Variants in C1orf162 observed in about 807,000 individuals in gnomAD.
C1orf162 encodes the protein transmembrane protein C1orf162.
A neutral mutation model predicts 11.4 loss-of-function variants in C1orf162; 10 were observed. The ratio of observed to expected loss-of-function variants is 0.88; its 90% CI spans 0.54 to 1.48. The LOEUF (loss-of-function observed/expected upper bound fraction) is 1.48, where lower values mean the gene tolerates loss of function less well. Ranked by LOEUF, C1orf162 falls within the 40% of genes most tolerant of loss-of-function variation. C1orf162 has a pLI of 0.00. For synonymous variants in C1orf162, 53 were observed against 55.0 expected (o/e 0.96, Z 0.16); for missense variants, 140 against 149.5 (o/e 0.94, Z 0.33).
chr1:111,476,870 A>G lies in C1orf162; in HGVS notation c.107+3A>G. 6.2e-7 allele frequency: 1 copy of G among 1,612,972 alleles called. No homozygotes were observed. The highest frequency in any genetic ancestry group is 8.5e-7 in the Non-Finnish European group (1 of 1,178,914). The stretch of plus-strand genomic sequence containing the variant: ...CCCTGTCTCTCTAACCACCACAAGT[A>G]AATGAGCATTCTCCTATCTGTTTCA... On this transcript the variant is annotated splice_donor_region_variant and intron_variant, in intron 3 of 5. Transcript: ENST00000369718.
chr1:111,476,663 T>G (rs914368594), intron 2 of C1orf162, 135 bp from the exon 3 acceptor site: 2 of 799,196 alleles, frequency 2.5e-6, no homozygotes, highest in Middle Eastern at 2.3e-4. Flanking sequence ...TGTTCTCTCA[T>G]TTTTGTAAGA....
Position 111,477,435 on chromosome 1 carries a change from G to A in C1orf162, c.202+7G>A. On this transcript the variant is annotated splice_region_variant and intron_variant, in intron 4 of 5. Transcript: ENST00000369718. ...ATAAAGAGCTACAGAAAATGTAAGT[G>A]GTCTCCAAGGGATAGGACAGCCCTT... 6.2e-7 allele frequency: 1 copy of A among 1,604,206 alleles called. No homozygotes were observed. The highest frequency in any genetic ancestry group is 8.5e-7 in the Non-Finnish European group (1 of 1,171,126).
chr1:111,477,720 T>C lies in C1orf162; in HGVS notation c.203-6T>C, dbSNP rs1349267595. ...TGGGTCCCTCTTCTTTCTGGCACCA[T>C]GGCAGATCACTCCAAGCCCCAGGCC... On this transcript the variant is annotated splice_region_variant and splice_polypyrimidine_tract_variant and intron_variant, in intron 4 of 5. Coordinates refer to ENST00000369718, the MANE Select transcript of C1orf162 (RefSeq NM_001300834.2). 5.0e-6 allele frequency: 8 copies of C among 1,604,118 alleles called. No homozygotes were observed. Among genetic ancestry groups the C allele is most frequent in the Non-Finnish European group, 6.8e-6 (8 of 1,175,318 alleles).
rs756043503 is a variant in C1orf162 at position 111,476,062 on chromosome 1, A to G, written c.34A>G (p.Thr12Ala). The G allele has an allele frequency of 6.2e-6, 10 of 1,613,080 alleles. No individual in the cohort carries two copies. The highest frequency in any genetic ancestry group is 8.5e-6 in the Non-Finnish European group (10 of 1,179,176). Residue 12 changes from threonine (T) to alanine (A), a missense_variant, in exon 2 of 6, where the codon ACT becomes GCT. Physicochemically the swap from Thr to Ala is moderately conservative, Grantham distance 58. Transcript: ENST00000369718. ...GGNGSTCKPD[T>A]ERQGTLSTAA... Reference sequence around the variant, plus strand: ...CAATGGCTCCACATGTAAACCCGACACTGGTGAGTTTACGACAGGAATAAT... The same window carrying G: ...CAATGGCTCCACATGTAAACCCGACGCTGGTGAGTTTACGACAGGAATAAT...
rs371668306 is a variant in C1orf162 at position 111,477,444 on chromosome 1, G to C, written c.202+16G>C. ...TACAGAAAATGTAAGTGGTCTCCAA[G>C]GGATAGGACAGCCCTTCTCTCTCTG... On this transcript the variant is annotated intron_variant, in intron 4 of 5. Transcript: ENST00000369718. 2 of 1,595,370 alleles carry C rather than the reference G, an allele frequency of 1.3e-6. No homozygotes were observed. Among genetic ancestry groups the C allele is most frequent in the African/African-American group, 2.7e-5 (2 of 74,406 alleles).
intron 1 of C1orf162, 150 bp downstream of exon 1, chr1:111,474,180 AC>A (rs1406524051): frequency 6.6e-6 from 1 of 152,276 alleles, no homozygotes; most frequent in Non-Finnish European, 1.5e-5. Context: ...GATGGATTTT[AC>A]GCTATCAGTA....
chr1:111,474,255 T>C (rs1653923602), intron 1 of C1orf162, among the ~76,000 whole-genome samples: 1 of 152,260 alleles, frequency 6.6e-6, no homozygotes, highest in Non-Finnish European at 1.5e-5. Flanking sequence ...TTTTAATTTA[T>C]GCTTCTGCCA....
At position 111,476,063 on chromosome 1, in the gene C1orf162, C is replaced by G. The variant is rs1467377615; in HGVS notation, c.35C>G (p.Thr12Ser). The part of the protein sequence containing the change: ...GGNGSTCKPD[T>S]ERQGTLSTAA... The stretch of plus-strand genomic sequence containing the variant: ...AATGGCTCCACATGTAAACCCGACA[C>G]TGGTGAGTTTACGACAGGAATAATT... Residue 12 changes from threonine (T) to serine (S), a missense_variant and splice_region_variant, in exon 2 of 6, where the codon ACT becomes AGT. Physicochemically the swap from Thr to Ser is moderately conservative, Grantham distance 58 (BLOSUM62 1). Coordinates refer to ENST00000369718, the MANE Select transcript of C1orf162 (RefSeq NM_001300834.2). 1 of 1,613,006 alleles carries G rather than the reference C, an allele frequency of 6.2e-7. No individual in the cohort carries two copies. The highest frequency in any genetic ancestry group is 1.1e-5 in the South Asian group (1 of 91,056).
intron 2 of C1orf162, 51 bp from the exon 3 acceptor site, chr1:111,476,747 G>A (rs372291235): frequency 2.5e-6 from 4 of 1,576,538 alleles, no homozygotes; most frequent in Non-Finnish European, 1.7e-6. Context: ...AAGCTGGAAG[G>A]GTATCATGAA....
chr1:111,476,157 T>C, intron 2 of C1orf162, 92 bp downstream of exon 2: 1 of 1,249,978 alleles, frequency 8.0e-7, no homozygotes, highest in Non-Finnish European at 1.2e-6. Flanking sequence ...AGGCACTAGC[T>C]AGTGCATTTC....
intron 4 of C1orf162, 30 bp downstream of exon 4, chr1:111,477,458 C>T: frequency 1.9e-6 from 3 of 1,574,074 alleles, no homozygotes; most frequent in Non-Finnish European, 2.6e-6. Context: ...TAGGACAGCC[C>T]TTCTCTCTCT....
rs1368208471 is a variant in C1orf162, at chr1:111,476,011, T to TTC, written c.-11-4_-11-3dup. The TTC allele has an allele frequency of 3.1e-6, 5 of 1,612,356 alleles. No homozygotes were observed. The highest frequency in any genetic ancestry group is 4.2e-6 in the Non-Finnish European group (5 of 1,178,542). On this transcript the variant is annotated splice_polypyrimidine_tract_variant and splice_region_variant and intron_variant, in intron 1 of 5. Transcript: ENST00000369718. ...GCTTTCTAAGAGATACCTTGTTTTA[T>TTC]TCTCAGGGGATGACAGCATGGGAGG...
chr1:111,477,948 G>C, intron 5 of C1orf162, 35 bp from the exon 6 acceptor site: 4 of 1,613,820 alleles, frequency 2.5e-6, no homozygotes, highest in Non-Finnish European at 3.4e-6. Flanking sequence ...GCTCCAGACT[G>C]GACTCACTCA....
chr1:111,478,504 C>G lies in C1orf162; in HGVS notation c.*381C>G, dbSNP rs1232789141. The G allele has an allele frequency of 4.9e-6, 1 of 202,366 alleles. No homozygotes were observed. 12.5% of individuals were successfully genotyped at this position (202,366 alleles called of 1,614,324 possible). A position where few individuals can be genotyped will look rare whatever the true frequency, so the allele number is the denominator to read the frequency against. The stretch of plus-strand genomic sequence containing the variant: ...ACCAAAAATTTCAAATAAAGTCAAA[C>G]CCCCCACAGTGCTGCCTCCATCTTT... On this transcript the variant is annotated 3_prime_UTR_variant, in exon 6 of 6. Transcript: ENST00000369718.
chr1:111,477,059 T>C (rs112752296), intron 3 of C1orf162, 192 bp downstream of exon 3: 1 of 671,288 alleles, frequency 1.5e-6, no homozygotes, highest in East Asian at 2.7e-5. Context: ...AAGAGATCCA[T>C]GGATCCCCTA....
At chr1:111,477,126 A>T in intron 3 of C1orf162, 1 of 634,812 alleles carries the variant, frequency 1.6e-6, no homozygotes, top group Non-Finnish European at 2.8e-6. Context: ...GGGTTGAGGG[A>T]GGGGGAGAGG....
Position 111,478,017 on chromosome 1 carries a change from C to G in C1orf162, c.287C>G (p.Ala96Gly), listed in dbSNP as rs774694203. The change falls in exon 6 of 6, where the codon GCC becomes GGC. Residue 96 changes from alanine to glycine, a missense_variant. Physicochemically the swap from Ala to Gly is moderately conservative, Grantham distance 60. Coordinates refer to ENST00000369718, the MANE Select transcript of C1orf162 (RefSeq NM_001300834.2). ...ATCCCAGGGGAATCACTTACCTATG[C>G]CAGCACAACTTTCAAACTCTCAGAA... is the stretch of plus-strand genomic sequence containing the variant. ...SSIPGESLTYASTTFKLSEEK... is the reference protein window; with the variant it reads ...SSIPGESLTYGSTTFKLSEEK... The G allele has an allele frequency of 1.9e-6, 3 of 1,613,986 alleles. No individual in the cohort carries two copies. The African/African-American group carries it at 4.0e-5, about 22-fold the overall frequency.
chr1:111,477,549 C>T (rs1274621227), intron 4 of C1orf162, 121 bp downstream of exon 4: 10 of 1,485,936 alleles, frequency 6.7e-6, no homozygotes, highest in South Asian at 1.1e-5. Context: ...CTGCTTAGCC[C>T]ACCCTGTCTG....
chr1:111,477,645 C>G (rs1446259937), intron 4 of C1orf162, 81 bp from the exon 5 acceptor site: 2 of 1,593,118 alleles, frequency 1.3e-6, no homozygotes, highest in African/African-American at 1.4e-5. Context: ...CCACCCTTCA[C>G]CCAAGATCGA....
Sources: gnomAD v4.1 joint callset for allele counts (sites outside exome capture counted in the v4.1 genomes callset) on GRCh38, gnomAD v4.1.1 for gene constraint, MANE v1.5 for transcripts, NCBI Gene and HGNC (gene_info 2026-07-23, HGNC 2026-07-21) for gene names.